The following MTHFSD variants were observed in gnomAD, a reference collection of about 807,000 sequenced individuals.
MTHFSD encodes methenyltetrahydrofolate synthase domain-containing protein.
A neutral mutation model predicts 31.1 loss-of-function variants in MTHFSD; 37 were observed. That is an observed-to-expected ratio of 1.19 (90% CI 0.91 to 1.56). The LOEUF (loss-of-function observed/expected upper bound fraction) is 1.56, where lower values mean the gene tolerates loss of function less well. Ranked by LOEUF, MTHFSD falls within the 40% of genes most tolerant of loss-of-function variation. The probability of loss-of-function intolerance (pLI) is 0.00; values close to 1 mark genes in which losing one functional copy is unlikely to be tolerated. For missense variants in MTHFSD, 664 were observed against 510.1 expected (o/e 1.30, Z -2.91); for synonymous variants, 221 against 206.9 (o/e 1.07, Z -0.59).
chr16:86,550,465 C>T (rs1265573812), intron 3 of MTHFSD, among the ~76,000 whole-genome samples: 2 of 152,194 alleles, frequency 1.3e-5, no homozygotes, highest in African/African-American at 2.4e-5. Flanking sequence ...CAGCTGAGAA[C>T]ACCCTGAACT....
rs759787238 is a variant in MTHFSD, at chr16:86,541,690, G to T, written c.681+7C>A. On this transcript the variant is annotated splice_region_variant and intron_variant, in intron 7 of 7. Coordinates refer to ENST00000360900, the MANE Select transcript of MTHFSD (RefSeq NM_001159377.2). ...ACAGGCCAGAGCTGGCCACTGCCGTGACCCACCTTGAACCAGGTGATTCCC... is the reference window on the plus strand; with the variant it reads ...ACAGGCCAGAGCTGGCCACTGCCGTTACCCACCTTGAACCAGGTGATTCCC... 3 of 1,612,126 alleles carry T rather than the reference G, an allele frequency of 1.9e-6. No individual in the cohort carries two copies. In the South Asian group the frequency reaches 3.3e-5, roughly 18 times the overall value.
At chr16:86,554,813 G>C in intron 1 of MTHFSD, 62 bp from the exon 2 acceptor site, 1 of 1,427,468 alleles carries the variant, frequency 7.0e-7, no homozygotes, top group Non-Finnish European at 9.8e-7. Context: ...TGCTGAAACC[G>C]CTTAACAGTA....
intron 4 of MTHFSD, chr16:86,547,948 C>A (rs1972571436): frequency 1.0e-6 from 1 of 985,612 alleles, no homozygotes; most frequent in African/African-American, 1.7e-5. Flanking sequence ...TATAATGCAC[C>A]CTAAAGTCAT....
intron 2 of MTHFSD, 147 bp downstream of exon 2, chr16:86,554,498 C>T (rs11648298): frequency 0.25 from 163,364 of 665,122 alleles, 24,246 homozygotes; most frequent in Non-Finnish European, 0.32. Context: ...TAAGGACGCC[C>T]TGGCCAAATG....
chr16:86,549,984 C>T (rs1404877761), intron 3 of MTHFSD, among the ~76,000 whole-genome samples: 4 of 152,160 alleles, frequency 2.6e-5, no homozygotes, highest in East Asian at 1.9e-4. Context: ...CCCAGCACTG[C>T]GGACTGTCCG....
intron 3 of MTHFSD, among the ~76,000 whole-genome samples, chr16:86,549,055 A>G (rs1015328348): frequency 1.3e-5 from 2 of 152,272 alleles, no homozygotes; most frequent in African/African-American, 2.4e-5. Flanking sequence ...TCACAGTCAA[A>G]GAGATCAGTA....
At chr16:86,545,531 G>A (rs896268029) in intron 5 of MTHFSD, among the ~76,000 whole-genome samples, 11 of 151,852 alleles carry the variant, frequency 7.2e-5, no homozygotes, top group African/African-American at 2.7e-4. Context: ...AGAAGGGGCC[G>A]CAACCTAGTA....
In MTHFSD at chr16:86,548,495, T is replaced by C; in HGVS notation, c.320A>G (p.Lys107Arg). The C allele has an allele frequency of 6.2e-7, 1 of 1,613,958 alleles. No individual in the cohort carries two copies. The highest frequency in any genetic ancestry group is 8.5e-7 in the Non-Finnish European group (1 of 1,179,962). ...NKITPPPGAT[K>R]DILRKCATSQ... ...GGTGGCACATTTTCTCAAGATGTCT[T>C]TAGTTGCCCCAGGGGGTGGTGTGAT... The change falls in exon 4 of 8, where the codon AAA becomes AGA. Residue 107 changes from lysine (K) to arginine (R), a missense_variant. By Grantham distance (26) the Lys-to-Arg change is conservative. Coordinates refer to ENST00000360900, the MANE Select transcript of MTHFSD (RefSeq NM_001159377.2).
At chr16:86,538,786 C>G (rs1327301916) in intron 7 of MTHFSD, among the ~76,000 whole-genome samples, 1 of 152,160 alleles carries the variant, frequency 6.6e-6, no homozygotes, top group Admixed American at 6.5e-5. Flanking sequence ...GGCAGAGATC[C>G]TTGGTGTAGC....
Position 86,531,569 on chromosome 16 carries a change from G to T in MTHFSD, c.*442C>A, listed in dbSNP as rs1451614360. ...CAGCTCAGGAGCCTGAAGCCCAAGG[G>T]CGCGCTTCTGTACCCAGCATCCAGT... On this transcript the variant is annotated 3_prime_UTR_variant, in exon 8 of 8. Coordinates refer to ENST00000360900, the MANE Select transcript of MTHFSD (RefSeq NM_001159377.2). This position sits in a 1 kb window ranked among gnomAD's most constrained non-coding sequence, Gnocchi z 5.5. 1.3e-5 allele frequency: 2 copies of T among 153,724 alleles called. No individual in the cohort carries two copies. The highest frequency in any genetic ancestry group is 2.9e-5 in the Non-Finnish European group (2 of 69,174). 9.5% of individuals were successfully genotyped at this position (153,724 alleles called of 1,614,324 possible). A position where few individuals can be genotyped will look rare whatever the true frequency, so the allele number is the denominator to read the frequency against.
At chr16:86,533,736 G>A (rs1025075789) in intron 7 of MTHFSD, 3 of 152,202 alleles carry the variant, frequency 2.0e-5, no homozygotes, top group Admixed American at 6.5e-5. Flanking sequence ...TCCCAGGGTC[G>A]ATAAAGACTA....
At position 86,531,287 on chromosome 16, in the gene MTHFSD, G is replaced by A. The variant is rs1382068173; in HGVS notation, c.*724C>T. 6.6e-6 allele frequency: 1 copy of A among 152,254 alleles called. No homozygotes were observed. Among genetic ancestry groups the A allele is most frequent in the African/African-American group, 2.4e-5 (1 of 41,468 alleles). The allele number at this position is 152,254 out of a possible 1,614,324, so 9.4% of individuals were successfully genotyped here. On this transcript the variant is annotated 3_prime_UTR_variant, in exon 8 of 8. Coordinates refer to ENST00000360900, the MANE Select transcript of MTHFSD (RefSeq NM_001159377.2). The surrounding 1 kb of genome is among the most constrained non-coding windows in gnomAD (Gnocchi z 5.5). ...AAAACATAAGGCACTGGGCAAATGTGACGTAGGCTGGGATGAAACCCATTC... is the reference window on the plus strand; with the variant it reads ...AAAACATAAGGCACTGGGCAAATGTAACGTAGGCTGGGATGAAACCCATTC...
chr16:86,547,063 A>AC, intron 4 of MTHFSD: 9 of 695,510 alleles, frequency 1.3e-5, no homozygotes, highest in South Asian at 1.2e-4. Context: ...TAAGACAGGG[A>AC]CACCACCCTC....
chr16:86,548,317 A>G (rs981350052), intron 4 of MTHFSD, 147 bp downstream of exon 4: 8 of 836,754 alleles, frequency 9.6e-6, no homozygotes, highest in African/African-American at 1.7e-5. Flanking sequence ...CATTAAGGAC[A>G]GAATTCTTGA....
chr16:86,554,508 G>T lies in MTHFSD; in HGVS notation c.123+137C>A, dbSNP rs556730855. Reference sequence around the variant, plus strand: ...AATGCTAAGGACGCCCTGGCCAAATGGCTTTGATTTCACACCACTGCTCAC... The same window carrying T: ...AATGCTAAGGACGCCCTGGCCAAATTGCTTTGATTTCACACCACTGCTCAC... On this transcript the variant is annotated intron_variant, in intron 2 of 7. Transcript: ENST00000360900. The T allele has an allele frequency of 6.1e-5, 43 of 707,038 alleles. No individual in the cohort carries two copies. In the South Asian group the frequency reaches 7.2e-4, roughly 12 times the overall value. 43.8% of individuals were successfully genotyped at this position (707,038 alleles called of 1,614,324 possible).
rs1973928060 is a variant in MTHFSD, at chr16:86,555,190, T to C, written c.-6A>G. The C allele has an allele frequency of 6.5e-7, 1 of 1,537,068 alleles. No homozygotes were observed. Among genetic ancestry groups the C allele is most frequent in the Non-Finnish European group, 8.7e-7 (1 of 1,146,644 alleles). On this transcript the variant is annotated 5_prime_UTR_variant, in exon 1 of 8. Transcript: ENST00000360900. The stretch of plus-strand genomic sequence containing the variant: ...CCACCTGCCCTCGGCTCCATGGTGA[T>C]GCAGTCGCTGTGCGACGCTTCCCGG...
intron 5 of MTHFSD, among the ~76,000 whole-genome samples, chr16:86,544,104 T>C (rs1210499368): frequency 6.6e-6 from 1 of 152,238 alleles, no homozygotes; most frequent in African/African-American, 2.4e-5. Context: ...TTTATTATGA[T>C]GTAGGAATAA....
rs181555310 is a variant in MTHFSD, at chr16:86,554,112, C to T, written c.123+533G>A. On this transcript the variant is annotated intron_variant, in intron 2 of 7. Coordinates refer to ENST00000360900, the MANE Select transcript of MTHFSD (RefSeq NM_001159377.2). ...GGCTGCCTGAACCAGCAGCAACAAC[C>T]CTCTCCAATCCCCTTCCACATTGTG... Among the ~76,000 whole-genome samples the T allele has an allele frequency of 2.6e-3, 389 of 152,212 alleles. 2 individuals are homozygous for T. Among genetic ancestry groups the T allele is most frequent in the African/African-American group, 8.9e-3 (368 of 41,526 alleles).
Position 86,530,964 on chromosome 16 carries a change from G to A in MTHFSD, c.*1047C>T, listed in dbSNP as rs1045965809. On this transcript the variant is annotated 3_prime_UTR_variant, in exon 8 of 8. Coordinates refer to ENST00000360900, the MANE Select transcript of MTHFSD (RefSeq NM_001159377.2). ...ACAGGATTTTCACGGCAAAACCAAT[G>A]AGAAAATGTCCTTTCAAAGAGAAGA... The A allele has an allele frequency of 1.3e-5, 2 of 152,234 alleles. No individual in the cohort carries two copies. Among genetic ancestry groups the A allele is most frequent in the African/African-American group, 4.8e-5 (2 of 41,458 alleles). The allele number at this position is 152,234 out of a possible 1,614,324, so 9.4% of individuals were successfully genotyped here. A position where few individuals can be genotyped will look rare whatever the true frequency, so the allele number is the denominator to read the frequency against.
Sources: allele counts gnomAD v4.1 joint callset (sites outside exome capture counted in the v4.1 genomes callset), GRCh38; gene constraint gnomAD v4.1.1; non-coding constraint Gnocchi (gnomAD v3.1); transcripts MANE v1.5; gene names NCBI Gene and HGNC (gene_info 2026-07-23, HGNC 2026-07-21).